KCNQ1: variants seen among roughly 807,000 people sequenced by gnomAD.
KCNQ1 encodes potassium voltage-gated channel subfamily Q member 1, also known as potassium voltage-gated channel subfamily KQT member 1.
Under a neutral mutation model 72.4 loss-of-function variants are expected in KCNQ1, and 49 were observed. The observed-to-expected ratio is 0.68, with a 90% CI of 0.54 to 0.86. KCNQ1 has a LOEUF of 0.86. Ranked by LOEUF, KCNQ1 falls within the 40% of genes least tolerant of loss-of-function variation. The pLI is 0.00. For synonymous variants in KCNQ1, 450 were observed against 412.6 expected (o/e 1.09, Z -1.10); for missense variants, 790 against 945.1 (o/e 0.84, Z 2.15).
chr11:2,633,424 T>C (rs1345427251), intron 10 of KCNQ1: 5 of 398,468 alleles, frequency 1.3e-5, no homozygotes, highest in Non-Finnish European at 2.2e-5. Context: ...GCTTATAAAG[T>C]CTTACCCATA....
rs1850985812 is a variant in KCNQ1 at position 2,710,561 on chromosome 11, G to A, written c.1514+48480G>A. ...ACTAAATAACAACATGTAATCTGAG[G>A]TCAAAAAGATTTACCCCTATATTTT... is the stretch of plus-strand genomic sequence containing the variant. On this transcript the variant is annotated intron_variant, in intron 11 of 15. Transcript: ENST00000155840. This position sits in a 1 kb window ranked among gnomAD's most constrained non-coding sequence, Gnocchi z 4.1. Among the ~76,000 whole-genome samples, 1 of 152,140 alleles carries A rather than the reference G, an allele frequency of 6.6e-6. No individual in the cohort carries two copies. Among genetic ancestry groups the A allele is most frequent in the Non-Finnish European group, 1.5e-5 (1 of 68,024 alleles).
At chr11:2,455,553 G>C (rs963479800) in intron 1 of KCNQ1, among the ~76,000 whole-genome samples, 1 of 152,236 alleles carries the variant, frequency 6.6e-6, no homozygotes, top group Admixed American at 6.5e-5. Context: ...AAACACTGCT[G>C]AAAGAAATCA....
chr11:2,468,272 G>A lies in KCNQ1; in HGVS notation c.386+22788G>A, dbSNP rs913285163. Among the ~76,000 whole-genome samples, 3 of 152,096 alleles carry A rather than the reference G, an allele frequency of 2.0e-5. No homozygotes were observed. Among genetic ancestry groups the A allele is most frequent in the African/African-American group, 7.2e-5 (3 of 41,416 alleles). Reference sequence around the variant, plus strand: ...AGAGATCCTCCCGCCTCAGCCTCCTGAGTAGCTGGGACTACAGATGCACAC... The same window carrying A: ...AGAGATCCTCCCGCCTCAGCCTCCTAAGTAGCTGGGACTACAGATGCACAC... On this transcript the variant is annotated intron_variant, in intron 1 of 15. Transcript: ENST00000155840. The surrounding 1 kb of genome is among the most constrained non-coding windows in gnomAD (Gnocchi z 5.7).
rs574815160 is a variant in KCNQ1 at position 2,841,277 on chromosome 11, G to A, written c.1795-6490G>A. The stretch of plus-strand genomic sequence containing the variant: ...CGGAGAGGGGCCAGCGGAGCCTCTG[G>A]GGGCACTGCAAAAGGAGACTGGATT... On this transcript the variant is annotated intron_variant, in intron 15 of 15. Coordinates refer to ENST00000155840, the MANE Select transcript of KCNQ1 (RefSeq NM_000218.3). 1.4e-4 allele frequency among the ~76,000 whole-genome samples: 22 copies of A among 152,308 alleles called. 1 individual carries two copies. Among genetic ancestry groups the A allele is most frequent in the Admixed American group, 1.4e-3 (21 of 15,308 alleles).
chr11:2,619,569 A>C (rs530725063), intron 10 of KCNQ1: 2 of 398,492 alleles, frequency 5.0e-6, no homozygotes, highest in East Asian at 3.6e-5. Context: ...TAGTCTGCCA[A>C]TATTTTATTA....
intron 15 of KCNQ1, among the ~76,000 whole-genome samples, chr11:2,800,759 T>TG (rs1847246986): frequency 6.6e-6 from 1 of 152,142 alleles, no homozygotes; most frequent in African/African-American, 2.4e-5. Context: ...TTGCGGGGGT[T>TG]CAGGAGATCC....
intron 15 of KCNQ1, among the ~76,000 whole-genome samples, chr11:2,780,019 G>A (rs1413285624): frequency 6.6e-6 from 1 of 152,234 alleles, no homozygotes; most frequent in Non-Finnish European, 1.5e-5. Flanking sequence ...GGTAGATTCT[G>A]CATGCACAGC....
intron 1 of KCNQ1, among the ~76,000 whole-genome samples, chr11:2,465,153 GT>G (rs1033270548): frequency 9.2e-5 from 14 of 152,128 alleles, no homozygotes; most frequent in African/African-American, 1.7e-4. Context: ...CTTCCCAGAA[GT>G]TTTTTTATTT....
intron 15 of KCNQ1, among the ~76,000 whole-genome samples, chr11:2,801,157 A>G (rs899809917): frequency 5.7e-4 from 86 of 151,816 alleles, no homozygotes; most frequent in Non-Finnish European, 8.5e-4. Flanking sequence ...GAGTGGGTCC[A>G]CTCTTTGCAC....
In KCNQ1 at chr11:2,764,660, T is replaced by C. The variant is rs1463733089; in HGVS notation, c.1515-4184T>C. Among the ~76,000 whole-genome samples the C allele has an allele frequency of 6.6e-6, 1 of 152,256 alleles. No individual in the cohort carries two copies. The highest frequency in any genetic ancestry group is 2.4e-5 in the African/African-American group (1 of 41,468). The stretch of plus-strand genomic sequence containing the variant: ...CAGAGTTTTCTTTGCCAGAAGATCA[T>C]TAAAATTCCAAATTTAACTTATTTA... On this transcript the variant is annotated intron_variant, in intron 11 of 15. Coordinates refer to ENST00000155840, the MANE Select transcript of KCNQ1 (RefSeq NM_000218.3). This position sits in a 1 kb window ranked among gnomAD's most constrained non-coding sequence, Gnocchi z 4.8.
Position 2,764,798 on chromosome 11 carries a change from T to C in KCNQ1, c.1515-4046T>C, listed in dbSNP as rs988641706. Among the ~76,000 whole-genome samples the C allele has an allele frequency of 6.6e-6, 1 of 152,238 alleles. No homozygotes were observed. The highest frequency in any genetic ancestry group is 2.4e-5 in the African/African-American group (1 of 41,468). On this transcript the variant is annotated intron_variant, in intron 11 of 15. Transcript: ENST00000155840. This position sits in a 1 kb window ranked among gnomAD's most constrained non-coding sequence, Gnocchi z 4.8. ...TCATCAAAAGTATTTTTGTTTGTAATGTCCTCTGAATAAATGTTTCTGCAC... is the reference window on the plus strand; with the variant it reads ...TCATCAAAAGTATTTTTGTTTGTAACGTCCTCTGAATAAATGTTTCTGCAC...
At chr11:2,461,828 G>T in intron 1 of KCNQ1, 1 of 731,650 alleles carries the variant, frequency 1.4e-6, no homozygotes, top group Non-Finnish European at 2.1e-6. Flanking sequence ...CTGGATAGAT[G>T]AAGTACTGGG....
chr11:2,699,656 G>A, intron 11 of KCNQ1: 1 of 353,304 alleles, frequency 2.8e-6, no homozygotes. Context: ...CCGCGCCGAA[G>A]AACCCCCGGG....
chr11:2,586,535 C>A (rs758682658), intron 8 of KCNQ1, among the ~76,000 whole-genome samples: 39 of 152,324 alleles, frequency 2.6e-4, no homozygotes, highest in African/African-American at 8.9e-4. Flanking sequence ...CCCTCGGAAG[C>A]TGCACACACT....
At chr11:2,630,357 T>G (rs190724422) in intron 10 of KCNQ1, 1 of 398,284 alleles carries the variant, frequency 2.5e-6, no homozygotes, top group Non-Finnish European at 4.4e-6. Flanking sequence ...TAAAAAAATA[T>G]CAGCCAGTTA....
intron 11 of KCNQ1, chr11:2,699,970 G>C (rs574155310): frequency 2.5e-6 from 1 of 398,230 alleles, no homozygotes; most frequent in African/African-American, 2.1e-5. Flanking sequence ...GGAGGTCCGT[G>C]CTGAGGCGAC....
At chr11:2,755,254 G>A (rs1328702053) in intron 11 of KCNQ1, among the ~76,000 whole-genome samples, 1 of 151,686 alleles carries the variant, frequency 6.6e-6, no homozygotes, top group African/African-American at 2.4e-5. Context: ...TGTTGTTTTT[G>A]TTGTTGTTGT....
chr11:2,818,933 G>T lies in KCNQ1; in HGVS notation c.1795-28834G>T, dbSNP rs1426927731. Among the ~76,000 whole-genome samples the T allele has an allele frequency of 2.6e-5, 4 of 152,054 alleles. No homozygotes were observed. The East Asian group carries it at 7.7e-4, about 29-fold the overall frequency. On this transcript the variant is annotated intron_variant, in intron 15 of 15. Transcript: ENST00000155840. The surrounding 1 kb of genome is among the most constrained non-coding windows in gnomAD (Gnocchi z 7.2). ...TCTTGGAAGGCAGGTGGCACAAGAG[G>T]TTCATCCCACCCTCCAGCATTACCC...
In KCNQ1 at chr11:2,543,113, A is replaced by G. The variant is rs1042947062; in HGVS notation, c.477+15095A>G. On this transcript the variant is annotated intron_variant, in intron 2 of 15. Coordinates refer to ENST00000155840, the MANE Select transcript of KCNQ1 (RefSeq NM_000218.3). The surrounding 1 kb of genome is among the most constrained non-coding windows in gnomAD (Gnocchi z 5.6). ...TTCACGTGTTTCATTGGCATCCAGG[A>G]AACATCTTTGGTGACATATCTTTTT... Among the ~76,000 whole-genome samples the G allele has an allele frequency of 1.3e-5, 2 of 152,180 alleles. No individual in the cohort carries two copies. Among genetic ancestry groups the G allele is most frequent in the African/African-American group, 4.8e-5 (2 of 41,388 alleles).
Sources: gnomAD v4.1 joint callset for allele counts (sites outside exome capture counted in the v4.1 genomes callset) on GRCh38, gnomAD v4.1.1 for gene constraint, Gnocchi (gnomAD v3.1) non-coding constraint, MANE v1.5 for transcripts, NCBI Gene and HGNC (gene_info 2026-07-23, HGNC 2026-07-21) for gene names.